AKAP12: variants seen among roughly 807,000 people sequenced by gnomAD.
AKAP12 encodes the protein A-kinase anchor protein 12.
Under a neutral mutation model 79.9 loss-of-function variants are expected in AKAP12, and 32 were observed. The observed-to-expected ratio is 0.40, with a 90% CI of 0.30 to 0.54. AKAP12 has a LOEUF of 0.54. Among genes scored for constraint, AKAP12 ranks in the 20% least tolerant of loss-of-function variants. AKAP12 has a pLI of 0.48. For synonymous variants in AKAP12, 808 were observed against 857.0 expected, an observed-to-expected ratio of 0.94 and a Z score of 1.00; for missense variants, 2,074 against 2,177.0, an observed-to-expected ratio of 0.95 and a Z score of 0.94.
rs369573088 is a variant in AKAP12, at chr6:151,349,358, G to A, written c.967G>A (p.Ala323Thr). The A allele has an allele frequency of 5.8e-5, 93 of 1,613,944 alleles. No homozygotes were observed. Among genetic ancestry groups the A allele is most frequent in the Non-Finnish European group, 7.5e-5 (89 of 1,179,990 alleles). The change falls in exon 4 of 5, where the codon GCT (alanine) becomes ACT (threonine). Residue 323 changes from alanine to threonine, a missense_variant. Transcript: ENST00000402676. ...FRKPKEDEVE[A>T]SEKKKEQEPE... The stretch of plus-strand genomic sequence containing the variant: ...GAAGCCGAAGGAGGATGAAGTGGAA[G>A]CTTCAGAGAAGAAAAAGGAACAAGA...
chr6:151,324,279 C>T (rs1026077589), intron 3 of AKAP12: 1 of 985,400 alleles, frequency 1.0e-6, no homozygotes. Flanking sequence ...TCCCGCCAGG[C>T]CGGGTATTTG....
chr6:151,288,212 T>TA (rs71014571), intron 2 of AKAP12, among the ~76,000 whole-genome samples: 46,357 of 148,704 alleles, frequency 0.31, 7,637 homozygotes, highest in Non-Finnish European at 0.39. Context: ...TTAAAGTATT[T>TA]AAAAAAAAAA....
chr6:151,287,891 A>T (rs1010466382), intron 2 of AKAP12, among the ~76,000 whole-genome samples: 3 of 152,214 alleles, frequency 2.0e-5, no homozygotes, highest in Non-Finnish European at 2.9e-5. Flanking sequence ...GCCATAAGAA[A>T]GGACGAGTTC....
At chr6:151,293,915 G>A (rs1436167065) in intron 2 of AKAP12, among the ~76,000 whole-genome samples, 1 of 151,874 alleles carries the variant, frequency 6.6e-6, no homozygotes, top group Non-Finnish European at 1.5e-5. Context: ...CATTTTCTTG[G>A]TTTAAGTTAC....
At position 151,340,714 on chromosome 6, in the gene AKAP12, C is replaced by T. The variant is rs142294424; in HGVS notation, c.320-7997C>T. Among the ~76,000 whole-genome samples the T allele has an allele frequency of 1.9e-3, 286 of 151,774 alleles. 1 individual carries two copies. The highest frequency in any genetic ancestry group is 6.7e-3 in the African/African-American group (277 of 41,558). On this transcript the variant is annotated intron_variant, in intron 3 of 4. Transcript: ENST00000402676. ...GCTCTTTACAACCAAGCCAAACCCA[C>T]GAGCAGGTTCCACCATGCCTTGGCC...
At chr6:151,254,534 A>G (rs1381745853) in intron 2 of AKAP12, among the ~76,000 whole-genome samples, 1 of 152,130 alleles carries the variant, frequency 6.6e-6, no homozygotes, top group Non-Finnish European at 1.5e-5. Context: ...TATTTTTAGT[A>G]GAGACCGGGT....
chr6:151,315,960 C>T (rs553958521), intron 3 of AKAP12, among the ~76,000 whole-genome samples: 2 of 152,314 alleles, frequency 1.3e-5, no homozygotes, highest in South Asian at 4.1e-4. Flanking sequence ...ATGAGGGTAA[C>T]TGCCCCCATG....
chr6:151,251,477 C>T (rs1303123317), intron 2 of AKAP12, among the ~76,000 whole-genome samples: 5 of 152,212 alleles, frequency 3.3e-5, no homozygotes, highest in African/African-American at 1.2e-4. Context: ...TGAGATTTGG[C>T]ACAGGGTAGA....
intron 2 of AKAP12, among the ~76,000 whole-genome samples, chr6:151,290,755 G>A (rs543429879): frequency 2.6e-5 from 4 of 152,048 alleles, no homozygotes; most frequent in South Asian, 2.1e-4. Context: ...ACAGGCATGC[G>A]CCACCATGCC....
intron 3 of AKAP12, among the ~76,000 whole-genome samples, chr6:151,310,024 A>G (rs1407837283): frequency 3.9e-5 from 6 of 152,046 alleles, no homozygotes; most frequent in African/African-American, 1.2e-4. Flanking sequence ...CAAATTATCA[A>G]TCGTTTTATA....
At position 151,244,514 on chromosome 6, in the gene AKAP12, ACT is replaced by A. The variant is rs565981964; in HGVS notation, c.162+3793_162+3794del. ...ACTCCAATCTGGGCAACAGAGCGAG[ACT>A]CTGTCTCAAAGAAACAAACAAACAA... On this transcript the variant is annotated intron_variant, in intron 2 of 4. Coordinates refer to ENST00000402676, the MANE Select transcript of AKAP12 (RefSeq NM_005100.4). 5.4e-4 allele frequency among the ~76,000 whole-genome samples: 79 copies of A among 147,656 alleles called. 1 individual carries two copies. Among genetic ancestry groups the A allele is most frequent in the Admixed American group, 1.3e-3 (18 of 14,392 alleles).
intron 3 of AKAP12, among the ~76,000 whole-genome samples, chr6:151,322,475 C>G (rs1449053503): frequency 6.6e-6 from 1 of 152,190 alleles, no homozygotes; most frequent in Non-Finnish European, 1.5e-5. Context: ...CCCCCAACTC[C>G]CGGACCTCCC....
At chr6:151,275,824 G>C (rs908140923) in intron 2 of AKAP12, among the ~76,000 whole-genome samples, 6 of 152,136 alleles carry the variant, frequency 3.9e-5, no homozygotes, top group African/African-American at 1.4e-4. Context: ...CTCCAGTGTG[G>C]GATTGCAGAA....
rs201911728 is a variant in AKAP12 at position 151,325,805 on chromosome 6, C to G, written c.319+19902C>G. 4 of 1,613,342 alleles carry G rather than the reference C, an allele frequency of 2.5e-6. No homozygotes were observed. In the South Asian group the frequency reaches 3.3e-5, roughly 13 times the overall value. ...GGCAGGCAGGAGACTAGGCGTCTGC[C>G]GGGGAGGGCAGGGACCCGCTAAGCT... On this transcript the variant is annotated intron_variant, in intron 3 of 4. Coordinates refer to ENST00000402676, the MANE Select transcript of AKAP12 (RefSeq NM_005100.4).
chr6:151,240,370 C>A lies in AKAP12; in HGVS notation c.-179-14C>A. On this transcript the variant is annotated splice_polypyrimidine_tract_variant and intron_variant, in intron 1 of 4. Coordinates refer to ENST00000402676, the MANE Select transcript of AKAP12 (RefSeq NM_005100.4). The stretch of plus-strand genomic sequence containing the variant: ...TAAGAGGTGGCCTTTTTTTTTTTTT[C>A]CTTTTCTTTTAAGGAGTTTGCCGCG... The A allele has an allele frequency of 5.3e-5, 22 of 415,296 alleles. No homozygotes were observed. Among genetic ancestry groups the A allele is most frequent in the Non-Finnish European group, 6.6e-5 (17 of 255,878 alleles). 25.7% of individuals were successfully genotyped at this position (415,296 alleles called of 1,614,324 possible).
intron 4 of AKAP12, among the ~76,000 whole-genome samples, chr6:151,355,326 C>T (rs1458925131): frequency 6.7e-6 from 1 of 149,334 alleles, no homozygotes; most frequent in African/African-American, 2.5e-5. Flanking sequence ...GTTTTTGAGA[C>T]AGAATCTCGC....
rs751067439 is a variant in AKAP12, at chr6:151,344,003, A to T, written c.320-4708A>T. ...AGTAGTTTAAATCGTCGATGTCTGG[A>T]CTTTCTCTTTGAATATTTGCTTCAA... On this transcript the variant is annotated intron_variant, in intron 3 of 4. Transcript: ENST00000402676. 3.3e-5 allele frequency: 14 copies of T among 427,904 alleles called. No homozygotes were observed. The Admixed American group carries it at 3.7e-4, about 11-fold the overall frequency. 26.5% of individuals were successfully genotyped at this position (427,904 alleles called of 1,614,324 possible).
intron 2 of AKAP12, among the ~76,000 whole-genome samples, chr6:151,274,971 G>A (rs1412409949): frequency 1.3e-5 from 2 of 152,088 alleles, no homozygotes; most frequent in Non-Finnish European, 2.9e-5. Flanking sequence ...AGGCCTGATG[G>A]CACATTCCTG....
At chr6:151,322,961 G>C (rs1386182036) in intron 3 of AKAP12, among the ~76,000 whole-genome samples, 2 of 152,190 alleles carry the variant, frequency 1.3e-5, no homozygotes, top group Non-Finnish European at 2.9e-5. Flanking sequence ...GCTTTGGGTG[G>C]TGATGTCTTC....
Sources: gnomAD v4.1 joint callset for allele counts (sites outside exome capture counted in the v4.1 genomes callset) on GRCh38, gnomAD v4.1.1 for gene constraint, MANE v1.5 for transcripts, NCBI Gene and HGNC (gene_info 2026-07-23, HGNC 2026-07-21) for gene names.